KSR2: variants seen among roughly 807,000 people sequenced by gnomAD.
The protein encoded by KSR2 is kinase suppressor of ras 2.
A neutral mutation model predicts 107.8 loss-of-function variants in KSR2; 25 were observed. The ratio of observed to expected loss-of-function variants is 0.23; its 90% CI spans 0.17 to 0.32. The LOEUF is 0.32. Ranked by LOEUF, KSR2 falls within the 10% of genes least tolerant of loss-of-function variation. KSR2 has a pLI of 1.00. For synonymous variants in KSR2, 480 were observed against 507.0 expected (o/e 0.95, Z 0.71); for missense variants, 887 against 1,268.9 (o/e 0.70, Z 4.57).
chr12:117,687,705 T>C (rs1157924647), intron 4 of KSR2, among the ~76,000 whole-genome samples: 1 of 152,092 alleles, frequency 6.6e-6, no homozygotes, highest in Non-Finnish European at 1.5e-5. Flanking sequence ...CACAACCTTA[T>C]TGGGGGTGTC....
chr12:117,912,123 G>C (rs1895034312), intron 1 of KSR2, among the ~76,000 whole-genome samples: 1 of 152,184 alleles, frequency 6.6e-6, no homozygotes, highest in African/African-American at 2.4e-5. Context: ...AAGTGGCGTA[G>C]GGCTCTCTCA....
chr12:117,496,587 T>C (rs1873039133), intron 14 of KSR2, among the ~76,000 whole-genome samples: 1 of 152,160 alleles, frequency 6.6e-6, no homozygotes, highest in African/African-American at 2.4e-5. Flanking sequence ...GGGGGAAAAA[T>C]CAGTGTATTT....
At chr12:117,514,152 G>A (rs927943431) in intron 14 of KSR2, among the ~76,000 whole-genome samples, 5 of 152,222 alleles carry the variant, frequency 3.3e-5, no homozygotes, top group African/African-American at 9.6e-5. Context: ...TATTTTTAAC[G>A]TTGGTAAATA....
chr12:117,640,818 G>A (rs1883321955), intron 5 of KSR2, among the ~76,000 whole-genome samples: 1 of 152,152 alleles, frequency 6.6e-6, no homozygotes, highest in African/African-American at 2.4e-5. Flanking sequence ...CCATCTGTGA[G>A]GTTATCACTC....
chr12:117,738,899 C>T (rs1888052738), intron 4 of KSR2, among the ~76,000 whole-genome samples: 1 of 151,668 alleles, frequency 6.6e-6, no homozygotes, highest in South Asian at 2.1e-4. Flanking sequence ...AAAGTTACAC[C>T]TGTGCAGGGC....
chr12:117,892,075 G>A (rs1256969924), intron 1 of KSR2, among the ~76,000 whole-genome samples: 1 of 152,032 alleles, frequency 6.6e-6, no homozygotes, highest in East Asian at 1.9e-4. Flanking sequence ...AAGGTAAGTG[G>A]GTCACCTGAA....
chr12:117,574,299 G>A (rs1349611866), intron 7 of KSR2, among the ~76,000 whole-genome samples: 2 of 152,020 alleles, frequency 1.3e-5, no homozygotes, highest in Non-Finnish European at 2.9e-5. Flanking sequence ...GAAATTTGGA[G>A]ATCACCTAGA....
intron 3 of KSR2, 139 bp from the exon 4 acceptor site, chr12:117,761,663 T>G: frequency 1.3e-6 from 1 of 790,040 alleles, no homozygotes; most frequent in South Asian, 1.5e-5. Context: ...ATATACCTGT[T>G]ACATCGTATG....
intron 1 of KSR2, among the ~76,000 whole-genome samples, chr12:117,923,939 T>C (rs1474991942): frequency 1.3e-5 from 2 of 150,486 alleles, no homozygotes; most frequent in African/African-American, 2.4e-5. Flanking sequence ...AGTGCAATGG[T>C]GTGATCTCGG....
At chr12:117,819,992 A>G (rs1448550867) in intron 3 of KSR2, among the ~76,000 whole-genome samples, 1 of 152,134 alleles carries the variant, frequency 6.6e-6, no homozygotes, top group African/African-American at 2.4e-5. Flanking sequence ...TTTTGAAAGC[A>G]TTTTTAAATA....
At chr12:117,556,573 T>C (rs1210763808) in intron 8 of KSR2, among the ~76,000 whole-genome samples, 1 of 152,192 alleles carries the variant, frequency 6.6e-6, no homozygotes, top group Non-Finnish European at 1.5e-5. Context: ...CAACTGCCCG[T>C]TGGCTTTGGG....
intron 1 of KSR2, among the ~76,000 whole-genome samples, chr12:117,895,983 CAGAGGGCAG>C (rs1037161077): frequency 9.2e-5 from 14 of 152,164 alleles, no homozygotes; most frequent in African/African-American, 3.4e-4. Context: ...CACTTGAACC[CAGAGGGCAG>C]AGGTTGCAAT....
intron 2 of KSR2, 108 bp from the exon 3 acceptor site, chr12:117,855,686 T>C (rs534067786): frequency 5.3e-6 from 6 of 1,141,346 alleles, no homozygotes; most frequent in Middle Eastern, 2.0e-4. Flanking sequence ...TGTAAACGCT[T>C]TGCATGACAG....
At chr12:117,505,123 T>C (rs207473423) in intron 14 of KSR2, among the ~76,000 whole-genome samples, 1 of 152,188 alleles carries the variant, frequency 6.6e-6, no homozygotes, top group Non-Finnish European at 1.5e-5. Flanking sequence ...ATGGTGTATA[T>C]ATACCACATT....
At position 117,519,102 on chromosome 12, in the gene KSR2, C is replaced by T. The variant is rs567771205; in HGVS notation, c.2219+5750G>A. Among the ~76,000 whole-genome samples the T allele has an allele frequency of 2.6e-5, 4 of 152,304 alleles. No individual in the cohort carries two copies. The South Asian group carries it at 6.2e-4, about 24-fold the overall frequency. ...TGTGGTCTGGCACTGTGCCGGGGTC[C>T]GATGAATGTCTGTGGAAGGCGCGTT... On this transcript the variant is annotated intron_variant, in intron 14 of 19. Coordinates refer to ENST00000339824, the MANE Select transcript of KSR2 (RefSeq NM_173598.6).
chr12:117,888,615 A>G (rs1197488456), intron 1 of KSR2, among the ~76,000 whole-genome samples: 1 of 152,182 alleles, frequency 6.6e-6, no homozygotes, highest in Non-Finnish European at 1.5e-5. Flanking sequence ...TCTCTCCACC[A>G]TGTGAGGACA....
At chr12:117,659,104 G>A (rs754773090) in intron 5 of KSR2, among the ~76,000 whole-genome samples, 5 of 152,106 alleles carry the variant, frequency 3.3e-5, no homozygotes, top group African/African-American at 1.2e-4. Context: ...AGGCAGGATC[G>A]ATCAGACACA....
intron 1 of KSR2, among the ~76,000 whole-genome samples, chr12:117,951,462 A>G (rs1220047447): frequency 1.3e-5 from 2 of 152,194 alleles, no homozygotes; most frequent in African/African-American, 4.8e-5. Context: ...CAAGCCACCA[A>G]TCCTGACCAA....
intron 4 of KSR2, among the ~76,000 whole-genome samples, chr12:117,669,527 T>C (rs1048611664): frequency 3.9e-5 from 6 of 151,938 alleles, no homozygotes; most frequent in Non-Finnish European, 7.4e-5. Flanking sequence ...ACAATATTTT[T>C]GTATGCATCA....
Sources: gnomAD v4.1 joint callset for allele counts (sites outside exome capture counted in the v4.1 genomes callset) on GRCh38, gnomAD v4.1.1 for gene constraint, MANE v1.5 for transcripts, NCBI Gene and HGNC (gene_info 2026-07-23, HGNC 2026-07-21) for gene names.